Variants in CHMP7 observed in about 807,000 individuals in gnomAD.
CHMP7 encodes charged multivesicular body protein 7, also known as CHMP family, member 7.
In CHMP7, 15 loss-of-function variants were observed where a neutral mutation model predicts 53.7. The observed-to-expected ratio is 0.28, with a 90% confidence interval of 0.19 to 0.43. The LOEUF (loss-of-function observed/expected upper bound fraction) is 0.43, where lower values mean the gene tolerates loss of function less well. Ranked by LOEUF, CHMP7 falls within the 20% of genes least tolerant of loss-of-function variation. CHMP7 has a pLI of 1.00. For missense variants in CHMP7, 527 were observed against 569.4 expected, an observed-to-expected ratio of 0.93 and a Z score of 0.76; for synonymous variants, 261 against 228.0, an observed-to-expected ratio of 1.14 and a Z score of -1.30.
chr8:23,254,630 A>G (rs1200213043), intron 3 of CHMP7, among the ~76,000 whole-genome samples: 1 of 151,756 alleles, frequency 6.6e-6, no homozygotes, highest in Non-Finnish European at 1.5e-5. Flanking sequence ...CGAACTCCTG[A>G]CCTCAGGTGA....
intron 3 of CHMP7, among the ~76,000 whole-genome samples, chr8:23,251,466 A>T (rs4871859): frequency 0.11 from 16,025 of 152,244 alleles, 1,074 homozygotes; most frequent in Middle Eastern, 0.15. Context: ...TCTTCCTGAA[A>T]ATCTTATTCA....
At chr8:23,248,313 G>A (rs888920933) in intron 2 of CHMP7, 6 of 394,388 alleles carry the variant, frequency 1.5e-5, no homozygotes, top group African/African-American at 1.2e-4. Flanking sequence ...CTCTTCTCCT[G>A]ACTGCTGGTG....
chr8:23,250,427 C>G (rs764587637), intron 3 of CHMP7, among the ~76,000 whole-genome samples: 1 of 152,118 alleles, frequency 6.6e-6, no homozygotes, highest in Non-Finnish European at 1.5e-5. Context: ...CCTGTAAACC[C>G]AAACCCACTC....
At chr8:23,251,963 G>A (rs765637595) in intron 3 of CHMP7, among the ~76,000 whole-genome samples, 1 of 151,904 alleles carries the variant, frequency 6.6e-6, no homozygotes, top group Non-Finnish European at 1.5e-5. Context: ...CTTTTCAAAA[G>A]TTTGTAATAA....
chr8:23,250,046 A>G (rs1801856850), intron 3 of CHMP7, among the ~76,000 whole-genome samples: 1 of 151,918 alleles, frequency 6.6e-6, no homozygotes, highest in Non-Finnish European at 1.5e-5. Flanking sequence ...GGGGTTTACC[A>G]CCCCTGCTGG....
chr8:23,252,185 A>G (rs1029156424), intron 3 of CHMP7, among the ~76,000 whole-genome samples: 1 of 68,584 alleles, frequency 1.5e-5, no homozygotes, highest in Non-Finnish European at 4.2e-5. Flanking sequence ...CCTGTTTTGT[A>G]TTGTGTTATC....
At chr8:23,259,870 G>A in intron 9 of CHMP7, 2 of 396,500 alleles carry the variant, frequency 5.0e-6, no homozygotes, top group East Asian at 5.0e-5. Context: ...CATTCACAAG[G>A]CTTCTGACTG....
intron 10 of CHMP7, 75 bp downstream of exon 10, chr8:23,260,398 A>T: frequency 6.4e-7 from 1 of 1,567,732 alleles, no homozygotes; most frequent in South Asian, 1.1e-5. Flanking sequence ...CCCAAGCCCA[A>T]TTACTCCATT....
chr8:23,254,930 C>T (rs1307428866), intron 3 of CHMP7: 2 of 417,398 alleles, frequency 4.8e-6, no homozygotes, highest in Admixed American at 3.5e-5. Flanking sequence ...TTCTACCTCA[C>T]CTCACCTCCT....
chr8:23,247,021 G>C, intron 2 of CHMP7, 27 bp downstream of exon 2: 1 of 1,476,130 alleles, frequency 6.8e-7, no homozygotes, highest in Non-Finnish European at 8.9e-7. Flanking sequence ...GGCCAGGGCC[G>C]CGAGGGCGGG....
chr8:23,253,579 G>A (rs963058194), intron 3 of CHMP7, among the ~76,000 whole-genome samples: 8 of 152,184 alleles, frequency 5.3e-5, no homozygotes, highest in African/African-American at 1.9e-4. Context: ...GAGGCACACC[G>A]TGCCTGGCTT....
At chr8:23,256,359 AG>A (rs1053686443) in intron 4 of CHMP7, 100 bp from the exon 5 acceptor site, 4 of 774,014 alleles carry the variant, frequency 5.2e-6, no homozygotes, top group South Asian at 4.5e-5. Context: ...CCCATGGATA[AG>A]GGGGGCCTGC....
chr8:23,244,211 A>G (rs1427109863), intron 1 of CHMP7, among the ~76,000 whole-genome samples: 2 of 152,164 alleles, frequency 1.3e-5, no homozygotes, highest in Non-Finnish European at 2.9e-5. Context: ...TGTTGTATCT[A>G]AAAAGTAATC....
chr8:23,253,891 C>T (rs12155616), intron 3 of CHMP7, among the ~76,000 whole-genome samples: 60,787 of 151,940 alleles, frequency 0.4, 12,424 homozygotes, highest in East Asian at 0.54. Context: ...CTCTACAATC[C>T]ATCGTCTCCC....
chr8:23,252,072 G>GAAAA (rs11435557), intron 3 of CHMP7, among the ~76,000 whole-genome samples: 1 of 149,564 alleles, frequency 6.7e-6, no homozygotes. Flanking sequence ...AACTTATTGG[G>GAAAA]AAAAAAAAAA....
intron 6 of CHMP7, 102 bp from the exon 7 acceptor site, chr8:23,258,228 A>C (rs1209912343): frequency 1.3e-6 from 2 of 1,531,682 alleles, no homozygotes; most frequent in African/African-American, 2.7e-5. Context: ...TACAGATGGG[A>C]GGGAAGAAAG....
chr8:23,252,120 C>T (rs1185932385), intron 3 of CHMP7, among the ~76,000 whole-genome samples: 1 of 149,268 alleles, frequency 6.7e-6, no homozygotes, highest in Non-Finnish European at 1.5e-5. Context: ...TTTTTTTCAC[C>T]TATGTACTAG....
chr8:23,245,777 TA>T (rs1161120991), intron 1 of CHMP7, among the ~76,000 whole-genome samples: 1 of 152,268 alleles, frequency 6.6e-6, no homozygotes, highest in African/African-American at 2.4e-5. Flanking sequence ...TGGATGTTGT[TA>T]ATTATTGATT....
chr8:23,256,689 G>GT, intron 5 of CHMP7, 96 bp downstream of exon 5: 11 of 697,512 alleles, frequency 1.6e-5, no homozygotes, highest in South Asian at 8.4e-5. Context: ...AAAATAGGTG[G>GT]GTTTTTTTTT....
Sources: allele counts gnomAD v4.1 joint callset (sites outside exome capture counted in the v4.1 genomes callset), GRCh38; gene constraint gnomAD v4.1.1; transcripts MANE v1.5; gene names NCBI Gene and HGNC (gene_info 2026-07-23, HGNC 2026-07-21).